Variants in VPS37A observed in about 807,000 individuals in gnomAD.
The protein encoded by VPS37A is VPS37A subunit of ESCRT-I, also known as vacuolar protein sorting-associated protein 37A.
A neutral mutation model predicts 49.8 loss-of-function variants in VPS37A; 30 were observed. The observed-to-expected ratio is 0.60, with a 90% confidence interval of 0.45 to 0.82. VPS37A has a LOEUF of 0.82. VPS37A is among the 40% of genes least tolerant of loss of function. The pLI, the probability that VPS37A is intolerant of heterozygous loss-of-function variation, is 0.00. For synonymous variants in VPS37A, 195 were observed against 160.6 expected, an observed-to-expected ratio of 1.21 and a Z score of -1.62; for missense variants, 593 against 464.4, an observed-to-expected ratio of 1.28 and a Z score of -2.55.
At chr8:17,306,093 G>A, downstream of VPS37A, 1 of 701,726 alleles carries the variant, frequency 1.4e-6, no homozygotes, top group Admixed American at 3.4e-5. Context: ...TGACAAAAAA[G>A]GTAGAAAAGT....
chr8:17,271,410 C>A (rs1813975900), intron 4 of VPS37A, among the ~76,000 whole-genome samples: 2 of 152,140 alleles, frequency 1.3e-5, no homozygotes, highest in Admixed American at 1.3e-4. Flanking sequence ...TCGAGACCAT[C>A]CTGGCTAACA....
In VPS37A at chr8:17,271,380, C is replaced by T. The variant is rs894600914; in HGVS notation, c.416+2424C>T. Among the ~76,000 whole-genome samples the T allele has an allele frequency of 9.2e-5, 14 of 151,922 alleles. No homozygotes were observed. The East Asian group carries it at 1.5e-3, about 17-fold the overall frequency. On this transcript the variant is annotated intron_variant, in intron 4 of 11. Transcript: ENST00000324849. The stretch of plus-strand genomic sequence containing the variant: ...CAGCACTTTGGGAGGCCGAGGCAGG[C>T]GGATCACGAGGTCAGGAGATCGAGA...
chr8:17,299,742 G>T, downstream of VPS37A: 4 of 1,389,108 alleles, frequency 2.9e-6, no homozygotes, highest in Middle Eastern at 2.2e-4. Flanking sequence ...TTTCATAGCT[G>T]CATTAAAGTA....
At chr8:17,330,395 T>C in the VPS37A span, among the ~76,000 whole-genome samples, 2 of 152,224 alleles carry the variant, frequency 1.3e-5, no homozygotes, top group Non-Finnish European at 2.9e-5. Context: ...CTGCATCCTC[T>C]GTCTTTTCCC....
intron 4 of VPS37A, among the ~76,000 whole-genome samples, chr8:17,270,305 A>G (rs1407842409): frequency 6.6e-6 from 1 of 152,196 alleles, no homozygotes; most frequent in African/African-American, 2.4e-5. Flanking sequence ...ATGTTTTTAT[A>G]AGAATCTACC....
At chr8:17,294,592 C>T (rs1238729095) in intron 11 of VPS37A, among the ~76,000 whole-genome samples, 1 of 152,178 alleles carries the variant, frequency 6.6e-6, no homozygotes, top group Non-Finnish European at 1.5e-5. Context: ...CTGAGGGAAT[C>T]TCCTGGTCTG....
At chr8:17,278,539 C>T (rs1814740924) in intron 6 of VPS37A, among the ~76,000 whole-genome samples, 1 of 152,092 alleles carries the variant, frequency 6.6e-6, no homozygotes, top group South Asian at 2.1e-4. Flanking sequence ...AAGTTGCCTT[C>T]TGTATCGTTT....
the VPS37A span, among the ~76,000 whole-genome samples, chr8:17,314,020 TGAA>T: frequency 1.3e-5 from 2 of 152,224 alleles, no homozygotes; most frequent in East Asian, 1.9e-4. Flanking sequence ...TGAGTGAAAA[TGAA>T]GAAAACCTAG....
At chr8:17,312,068 G>A in the VPS37A span, among the ~76,000 whole-genome samples, 2 of 152,244 alleles carry the variant, frequency 1.3e-5, no homozygotes, top group Admixed American at 6.5e-5. Context: ...AAAGGTAAGC[G>A]TCAAGTAATG....
downstream of VPS37A, chr8:17,300,126 G>C (rs1006801412): frequency 6.2e-7 from 1 of 1,613,984 alleles, no homozygotes; most frequent in African/African-American, 1.3e-5. Flanking sequence ...TGGCTATGCT[G>C]TTGTCTGAGG....
At chr8:17,304,746 C>CGTGTGTGTGTATGTGTGT (rs1817341146), downstream of VPS37A, among the ~76,000 whole-genome samples, 1 of 146,992 alleles carries the variant, frequency 6.8e-6, no homozygotes, top group Non-Finnish European at 1.5e-5. Context: ...GTGTTCGATT[C>CGTGTGTGTGTATGTGTGT]GTGTGTGTGT....
the VPS37A span, among the ~76,000 whole-genome samples, chr8:17,320,493 G>A: frequency 6.6e-6 from 1 of 152,132 alleles, no homozygotes; most frequent in African/African-American, 2.4e-5. Context: ...AGCATTCTGA[G>A]AGGCAGGTCA....
downstream of VPS37A, chr8:17,302,499 T>C (rs980380335): frequency 4.2e-6 from 2 of 474,390 alleles, no homozygotes. Context: ...ATGAAAAGTC[T>C]GCCTGTATAT....
chr8:17,287,881 C>A (rs1268632695), intron 11 of VPS37A, among the ~76,000 whole-genome samples: 1 of 151,992 alleles, frequency 6.6e-6, no homozygotes, highest in Non-Finnish European at 1.5e-5. Flanking sequence ...TGGTCCTCTG[C>A]CCAGTCGACT....
intron 11 of VPS37A, among the ~76,000 whole-genome samples, chr8:17,292,789 C>G (rs1816270860): frequency 1.3e-5 from 2 of 152,214 alleles, no homozygotes; most frequent in South Asian, 4.1e-4. Context: ...GGCCCCCATT[C>G]TCTTCTGGCT....
chr8:17,255,888 G>T (rs1354671404), intron 1 of VPS37A, among the ~76,000 whole-genome samples: 1 of 152,108 alleles, frequency 6.6e-6, no homozygotes, highest in Non-Finnish European at 1.5e-5. Flanking sequence ...TTTATGGTGG[G>T]ATAATATTCT....
chr8:17,285,266 A>C (rs1049917826), intron 10 of VPS37A, among the ~76,000 whole-genome samples: 1 of 152,208 alleles, frequency 6.6e-6, no homozygotes, highest in Admixed American at 6.5e-5. Context: ...AAATGGTAGT[A>C]TCTGTATCAT....
At chr8:17,268,501 A>G (rs1042180799) in intron 3 of VPS37A, 129 bp downstream of exon 3, 4 of 674,754 alleles carry the variant, frequency 5.9e-6, no homozygotes, top group African/African-American at 3.6e-5. Flanking sequence ...AAAATTGAAT[A>G]TTTAAGACTA....
downstream of VPS37A, among the ~76,000 whole-genome samples, chr8:17,300,811 T>G (rs1190155286): frequency 6.6e-6 from 1 of 152,240 alleles, no homozygotes; most frequent in Non-Finnish European, 1.5e-5. Flanking sequence ...ACTGATCAAC[T>G]TCTATCTCTA....
Sources: allele counts gnomAD v4.1 joint callset (sites outside exome capture counted in the v4.1 genomes callset), GRCh38; gene constraint gnomAD v4.1.1; transcripts MANE v1.5; gene names NCBI Gene and HGNC (gene_info 2026-07-23, HGNC 2026-07-21).